The following MTCL2 variants were observed in gnomAD, a reference collection of about 807,000 sequenced individuals.
MTCL2 encodes the protein microtubule cross-linking factor 2.
At chr20:36,841,171 AAAAAAAAAAAAAT>A in the MTCL2 span, among the ~76,000 whole-genome samples, 41 of 147,382 alleles carry the variant, frequency 2.8e-4, no homozygotes, top group African/African-American at 8.7e-4. Flanking sequence ...AAAAAAAAAA[AAAAAAAAAAAAAT>A]GAGCCCAGCG....
chr20:36,831,735 C>A, the MTCL2 span, among the ~76,000 whole-genome samples: 1 of 152,190 alleles, frequency 6.6e-6, no homozygotes, highest in African/African-American at 2.4e-5. Flanking sequence ...CTTCCTCATC[C>A]ACGAAGTGGG....
the MTCL2 span, among the ~76,000 whole-genome samples, chr20:36,840,265 C>T: frequency 6.6e-6 from 1 of 151,226 alleles, no homozygotes; most frequent in Non-Finnish European, 1.5e-5. Context: ...CCTGGGTTCA[C>T]GCCATTCTCC....
At chr20:36,789,764 T>C in the MTCL2 span, among the ~76,000 whole-genome samples, 2 of 152,154 alleles carry the variant, frequency 1.3e-5, no homozygotes, top group African/African-American at 2.4e-5. Context: ...AGTAAGAGAA[T>C]TCTTCCTGCC....
chr20:36,798,064 A>G, the MTCL2 span, among the ~76,000 whole-genome samples: 71 of 149,600 alleles, frequency 4.7e-4, no homozygotes, highest in Admixed American at 2.5e-3. Context: ...CTATGCACAC[A>G]TTAGTTAATT....
chr20:36,857,216 T>C, the MTCL2 span, among the ~76,000 whole-genome samples: 1 of 152,176 alleles, frequency 6.6e-6, no homozygotes, highest in Admixed American at 6.5e-5. Context: ...GTCTGCAGGA[T>C]GTCAGTCTGT....
At chr20:36,813,304 C>T in the MTCL2 span, among the ~76,000 whole-genome samples, 13 of 37,622 alleles carry the variant, frequency 3.5e-4, no homozygotes, top group African/African-American at 1.6e-3. Flanking sequence ...CAGAGCAAGA[C>T]TGTTTCTTTA....
the MTCL2 span, among the ~76,000 whole-genome samples, chr20:36,856,487 G>C: frequency 6.6e-6 from 1 of 152,254 alleles, no homozygotes; most frequent in African/African-American, 2.4e-5. Context: ...GATTAGAAGG[G>C]AGTTGCCCCC....
At chr20:36,797,214 T>C in the MTCL2 span, among the ~76,000 whole-genome samples, 1 of 152,174 alleles carries the variant, frequency 6.6e-6, no homozygotes, top group Non-Finnish European at 1.5e-5. Context: ...CCAAATGTGG[T>C]GACTGCAACA....
At chr20:36,826,037 C>T in the MTCL2 span, among the ~76,000 whole-genome samples, 143 of 150,496 alleles carry the variant, frequency 9.5e-4, 1 homozygote, top group African/African-American at 3.2e-3. Flanking sequence ...GACGGAGTCC[C>T]GTTCTGTCGC....
chr20:36,802,998 C>G, the MTCL2 span: 20 of 1,596,826 alleles, frequency 1.3e-5, no homozygotes, highest in Non-Finnish European at 1.7e-5. Flanking sequence ...CATGACAGCG[C>G]TGTAGGACTC....
chr20:36,829,060 C>G, the MTCL2 span: 2 of 1,548,478 alleles, frequency 1.3e-6, no homozygotes, highest in East Asian at 4.9e-5. Flanking sequence ...TCACCTCTCT[C>G]GGTCGCTCCA....
chr20:36,833,457 T>C, the MTCL2 span, among the ~76,000 whole-genome samples: 35 of 152,342 alleles, frequency 2.3e-4, no homozygotes, highest in East Asian at 3.1e-3. Context: ...CAAGTGCAAC[T>C]AGCAGCCTCC....
At chr20:36,784,783 T>C in the MTCL2 span, 2 of 985,412 alleles carry the variant, frequency 2.0e-6, no homozygotes, top group Non-Finnish European at 2.4e-6. Flanking sequence ...TGAAAGGCCA[T>C]AAGGCTAAGG....
At chr20:36,790,183 G>T in the MTCL2 span, among the ~76,000 whole-genome samples, 1 of 151,264 alleles carries the variant, frequency 6.6e-6, no homozygotes, top group African/African-American at 2.4e-5. Context: ...AGTAGAGACG[G>T]GGTTTCACTG....
At chr20:36,779,563 C>T in the MTCL2 span, 1 of 151,564 alleles carries the variant, frequency 6.6e-6, no homozygotes, top group Non-Finnish European at 1.5e-5. Context: ...CAGGGTGAGC[C>T]CAGTGAGAAG....
chr20:36,856,878 G>A, the MTCL2 span, among the ~76,000 whole-genome samples: 9 of 152,242 alleles, frequency 5.9e-5, no homozygotes, highest in East Asian at 5.8e-4. Context: ...ACGTGTGTGC[G>A]TGTGTCTAGG....
At chr20:36,848,620 G>C in the MTCL2 span, among the ~76,000 whole-genome samples, 1 of 152,240 alleles carries the variant, frequency 6.6e-6, no homozygotes, top group East Asian at 1.9e-4. Context: ...GAGAAGCACA[G>C]GGAAGGTGGG....
the MTCL2 span, among the ~76,000 whole-genome samples, chr20:36,854,493 G>A: frequency 9.8e-5 from 15 of 152,294 alleles, no homozygotes; most frequent in Non-Finnish European, 1.3e-4. Flanking sequence ...CACAAAGGCC[G>A]GATGGGAAGA....
At chr20:36,826,506 T>C in the MTCL2 span, among the ~76,000 whole-genome samples, 1 of 150,428 alleles carries the variant, frequency 6.6e-6, no homozygotes, top group Non-Finnish European at 1.5e-5. Context: ...ACCTCCCTAG[T>C]AGCTGGGACT....
Sources: gnomAD v4.1 joint callset for allele counts (sites outside exome capture counted in the v4.1 genomes callset) on GRCh38, gnomAD v4.1.1 for gene constraint, MANE v1.5 for transcripts, NCBI Gene and HGNC (gene_info 2026-07-23, HGNC 2026-07-21) for gene names.